FNDC3A: variants seen among roughly 807,000 people sequenced by gnomAD.
FNDC3A encodes fibronectin type-III domain-containing protein 3A.
Under a neutral mutation model 148.9 loss-of-function variants are expected in FNDC3A, and 32 were observed. The ratio of observed to expected loss-of-function variants is 0.21; its 90% CI spans 0.16 to 0.29. FNDC3A has a LOEUF of 0.29. FNDC3A is among the 10% of genes least tolerant of loss of function. The pLI, the probability that FNDC3A is intolerant of heterozygous loss-of-function variation, is 1.00. For missense variants in FNDC3A, 1,191 were observed against 1,452.8 expected, an observed-to-expected ratio of 0.82 and a Z score of 2.93; for synonymous variants, 472 against 473.6, an observed-to-expected ratio of 1.00 and a Z score of 0.04.
At chr13:49,012,016 CTG>C (rs1952356704) in intron 2 of FNDC3A, among the ~76,000 whole-genome samples, 1 of 152,064 alleles carries the variant, frequency 6.6e-6, no homozygotes, top group Non-Finnish European at 1.5e-5. Flanking sequence ...ATTGAAAAAA[CTG>C]TTGTTTTCCT....
chr13:49,177,585 T>C (rs1885094202), intron 13 of FNDC3A, among the ~76,000 whole-genome samples: 1 of 152,248 alleles, frequency 6.6e-6, no homozygotes, highest in African/African-American at 2.4e-5. Context: ...TGTACACAAA[T>C]GTTCATAGCA....
At chr13:49,046,995 C>T (rs1231644374) in intron 2 of FNDC3A, among the ~76,000 whole-genome samples, 1 of 151,958 alleles carries the variant, frequency 6.6e-6, no homozygotes, top group Non-Finnish European at 1.5e-5. Flanking sequence ...TCTTTTATCC[C>T]TCACCTCCCC....
At chr13:49,090,500 G>T (rs924841833) in intron 3 of FNDC3A, among the ~76,000 whole-genome samples, 7 of 152,314 alleles carry the variant, frequency 4.6e-5, no homozygotes, top group Admixed American at 4.6e-4. Flanking sequence ...TGGGGTCTGT[G>T]CTTTGACCTC....
intron 3 of FNDC3A, among the ~76,000 whole-genome samples, chr13:49,109,427 T>C (rs1311119159): frequency 6.6e-6 from 1 of 152,180 alleles, no homozygotes; most frequent in East Asian, 1.9e-4. Context: ...ATACCAAAAT[T>C]CACTTTCTTT....
chr13:49,159,842 G>T (rs1883974923), intron 8 of FNDC3A, among the ~76,000 whole-genome samples: 1 of 152,246 alleles, frequency 6.6e-6, no homozygotes, highest in East Asian at 1.9e-4. Flanking sequence ...GTTGAATTTT[G>T]TCAAAGGCCT....
chr13:49,008,227 G>A (rs895582306), intron 2 of FNDC3A, among the ~76,000 whole-genome samples: 2 of 152,120 alleles, frequency 1.3e-5, no homozygotes, highest in Non-Finnish European at 2.9e-5. Context: ...TAGTTATGAA[G>A]GATGCATATG....
intron 8 of FNDC3A, among the ~76,000 whole-genome samples, chr13:49,161,977 C>A (rs927286096): frequency 1.8e-4 from 28 of 152,234 alleles, no homozygotes; most frequent in African/African-American, 6.5e-4. Context: ...GAGAGATCTG[C>A]TGTTAGTCTG....
At chr13:49,140,994 C>T (rs1882658490) in intron 7 of FNDC3A, among the ~76,000 whole-genome samples, 1 of 152,036 alleles carries the variant, frequency 6.6e-6, no homozygotes, top group Admixed American at 6.6e-5. Context: ...ATTTGAAAAG[C>T]ACTGGACATG....
At chr13:49,103,426 A>G (rs1879980974) in intron 3 of FNDC3A, among the ~76,000 whole-genome samples, 1 of 152,254 alleles carries the variant, frequency 6.6e-6, no homozygotes, top group South Asian at 2.1e-4. Flanking sequence ...TTCATGTGGA[A>G]GCATAGTAGG....
chr13:49,032,324 A>G (rs1047809828), intron 2 of FNDC3A, among the ~76,000 whole-genome samples: 2 of 152,198 alleles, frequency 1.3e-5, no homozygotes, highest in Admixed American at 6.5e-5. Flanking sequence ...ATGTCCATGT[A>G]AAAAAATGAA....
At chr13:49,052,865 C>T (rs1875940849) in intron 2 of FNDC3A, among the ~76,000 whole-genome samples, 1 of 152,178 alleles carries the variant, frequency 6.6e-6, no homozygotes, top group Non-Finnish European at 1.5e-5. Context: ...TATGTCCGAG[C>T]TTAGCCTCTC....
intron 3 of FNDC3A, among the ~76,000 whole-genome samples, chr13:49,108,065 T>C (rs927674558): frequency 2.0e-5 from 3 of 152,074 alleles, no homozygotes; most frequent in Non-Finnish European, 2.9e-5. Flanking sequence ...AAGAAAGATA[T>C]GATGGCCACA....
chr13:49,054,485 T>C (rs1484595839), intron 2 of FNDC3A, among the ~76,000 whole-genome samples: 3 of 152,306 alleles, frequency 2.0e-5, no homozygotes, highest in Middle Eastern at 3.4e-3. Flanking sequence ...GTAATCAGTA[T>C]TGAGCCATAC....
At chr13:49,125,283 A>G (rs1273507678) in intron 4 of FNDC3A, among the ~76,000 whole-genome samples, 1 of 152,186 alleles carries the variant, frequency 6.6e-6, no homozygotes, top group African/African-American at 2.4e-5. Context: ...GAGAAACTAT[A>G]AGATGGGGAG....
chr13:49,104,091 T>C (rs2137845535), intron 3 of FNDC3A, among the ~76,000 whole-genome samples: 1 of 152,224 alleles, frequency 6.6e-6, no homozygotes, highest in East Asian at 1.9e-4. Flanking sequence ...AAACTAATAT[T>C]TCAGATGTTA....
At chr13:49,125,279 C>T (rs1051608821) in intron 4 of FNDC3A, among the ~76,000 whole-genome samples, 1 of 151,974 alleles carries the variant, frequency 6.6e-6, no homozygotes, top group Non-Finnish European at 1.5e-5. Flanking sequence ...GTGTGAGAAA[C>T]TATAAGATGG....
intron 7 of FNDC3A, among the ~76,000 whole-genome samples, chr13:49,139,101 A>G (rs1455071751): frequency 1.3e-5 from 2 of 152,328 alleles, no homozygotes; most frequent in East Asian, 3.9e-4. Flanking sequence ...GATAGTAAAG[A>G]TTGCTATTAT....
intron 1 of FNDC3A, among the ~76,000 whole-genome samples, chr13:48,984,011 A>C (rs1951744560): frequency 6.6e-6 from 1 of 152,238 alleles, no homozygotes; most frequent in Non-Finnish European, 1.5e-5. Flanking sequence ...AAAGATTTGT[A>C]TTAAAAAATT....
intron 1 of FNDC3A, among the ~76,000 whole-genome samples, chr13:48,976,457 C>G (rs896194979): frequency 7.2e-5 from 11 of 152,284 alleles, no homozygotes; most frequent in African/African-American, 2.6e-4. Flanking sequence ...GGGGCGCGGC[C>G]GGGGGCGCCA....
Sources: gnomAD v4.1 joint callset for allele counts (sites outside exome capture counted in the v4.1 genomes callset) on GRCh38, gnomAD v4.1.1 for gene constraint, MANE v1.5 for transcripts, NCBI Gene and HGNC (gene_info 2026-07-23, HGNC 2026-07-21) for gene names.